The following F13A1 variants were observed in gnomAD, a reference collection of about 807,000 sequenced individuals.
F13A1 encodes the protein FSF, A subunit.
A neutral mutation model predicts 80.1 loss-of-function variants in F13A1; 47 were observed. The ratio of observed to expected loss-of-function variants is 0.59; its 90% CI spans 0.46 to 0.75. F13A1 has a LOEUF of 0.75. F13A1 is among the 30% of genes least tolerant of loss of function. F13A1 has a pLI of 0.00. For missense variants in F13A1, 817 were observed against 930.4 expected (o/e 0.88, Z 1.59); for synonymous variants, 349 against 344.9 (o/e 1.01, Z -0.13).
intron 6 of F13A1, among the ~76,000 whole-genome samples, chr6:6,226,270 A>C (rs987807058): frequency 5.3e-5 from 8 of 152,176 alleles, no homozygotes; most frequent in African/African-American, 1.9e-4. Flanking sequence ...GAGCCTTGCT[A>C]CTTGAGGCAT....
At chr6:6,163,595 G>A (rs763792543) in intron 13 of F13A1, among the ~76,000 whole-genome samples, 5 of 152,068 alleles carry the variant, frequency 3.3e-5, no homozygotes, top group South Asian at 4.2e-4. Flanking sequence ...TGCAGTATTC[G>A]GTTTTCTCTT....
intron 4 of F13A1, among the ~76,000 whole-genome samples, chr6:6,260,362 C>G (rs1757761636): frequency 6.6e-6 from 1 of 152,188 alleles, no homozygotes. Context: ...GCATCCTGTG[C>G]CACCTCGGGC....
At chr6:6,303,944 A>G (rs749630265) in intron 3 of F13A1, among the ~76,000 whole-genome samples, 1 of 152,202 alleles carries the variant, frequency 6.6e-6, no homozygotes, top group Non-Finnish European at 1.5e-5. Flanking sequence ...TTATTAATAC[A>G]GTGCTTTTTT....
At chr6:6,249,086 T>C (rs953609579) in intron 5 of F13A1, among the ~76,000 whole-genome samples, 1 of 152,168 alleles carries the variant, frequency 6.6e-6, no homozygotes, top group African/African-American at 2.4e-5. Context: ...AGAATTTTCT[T>C]AAAAAGGAAT....
intron 12 of F13A1, among the ~76,000 whole-genome samples, chr6:6,170,953 G>C (rs1392093307): frequency 6.6e-6 from 1 of 152,178 alleles, no homozygotes; most frequent in Non-Finnish European, 1.5e-5. Context: ...AGGACAACCT[G>C]GGGCTGGCCA....
intron 3 of F13A1, among the ~76,000 whole-genome samples, chr6:6,275,361 T>G (rs201309793): frequency 7.4e-5 from 1 of 13,440 alleles, no homozygotes; most frequent in Non-Finnish European, 1.4e-4. Context: ...ATTTTTTTTA[T>G]TTTTTTTGTT....
Position 6,243,637 on chromosome 6 carries a change from G to C in F13A1, c.798+4675C>G, listed in dbSNP as rs1183583716. 6.6e-6 allele frequency among the ~76,000 whole-genome samples: 1 copy of C among 152,170 alleles called. No homozygotes were observed. Among genetic ancestry groups the C allele is most frequent in the Non-Finnish European group, 1.5e-5 (1 of 68,018 alleles). ...GGCCCTCTAAGGTAATATGATCTGAGAGTAAGGACCATATCTGGTTTCAGC... is the reference window on the plus strand; with the variant it reads ...GGCCCTCTAAGGTAATATGATCTGACAGTAAGGACCATATCTGGTTTCAGC... On this transcript the variant is annotated intron_variant, in intron 6 of 14. Coordinates refer to ENST00000264870, the MANE Select transcript of F13A1 (RefSeq NM_000129.4). The surrounding 1 kb of genome is among the most constrained non-coding windows in gnomAD (Gnocchi z 4.2).
intron 8 of F13A1, among the ~76,000 whole-genome samples, chr6:6,202,710 G>A (rs1583069587): frequency 6.6e-6 from 1 of 152,300 alleles, no homozygotes; most frequent in East Asian, 1.9e-4. Flanking sequence ...ATCAAGATGA[G>A]AACAACCTTT....
At chr6:6,231,615 C>A (rs1757353624) in intron 6 of F13A1, among the ~76,000 whole-genome samples, 1 of 152,126 alleles carries the variant, frequency 6.6e-6, no homozygotes, top group South Asian at 2.1e-4. Flanking sequence ...TTTGCCTAGG[C>A]ACATTGTCAT....
At chr6:6,197,348 A>G in intron 8 of F13A1, 22 bp from the exon 9 acceptor site, 1 of 1,606,940 alleles carries the variant, frequency 6.2e-7, no homozygotes, top group East Asian at 2.2e-5. Flanking sequence ...CAAGCCCAGA[A>G]AGGTTAAACT....
At chr6:6,204,639 T>C (rs1761455109) in intron 8 of F13A1, among the ~76,000 whole-genome samples, 1 of 152,056 alleles carries the variant, frequency 6.6e-6, no homozygotes, top group African/African-American at 2.4e-5. Context: ...GTGGGAACAA[T>C]TTGGTGGACT....
At chr6:6,295,570 T>C (rs1197262218) in intron 3 of F13A1, among the ~76,000 whole-genome samples, 1 of 146,204 alleles carries the variant, frequency 6.8e-6, no homozygotes, top group African/African-American at 2.7e-5. Context: ...TTCATATCCT[T>C]CGCCCACTTT....
At chr6:6,317,537 C>A (rs2113205627) in intron 2 of F13A1, among the ~76,000 whole-genome samples, 1 of 152,164 alleles carries the variant, frequency 6.6e-6, no homozygotes, top group Middle Eastern at 3.4e-3. Context: ...ACAATGACAC[C>A]AGTCCACAAC....
chr6:6,145,590 G>C lies in F13A1; in HGVS notation c.*29C>G, dbSNP rs1180502248. ...TAGCCAAGACTACAAGAGGCCAAATGCCAGGGTTCATCTCAGCTTCCTGTG... is the reference window on the plus strand; with the variant it reads ...TAGCCAAGACTACAAGAGGCCAAATCCCAGGGTTCATCTCAGCTTCCTGTG... On this transcript the variant is annotated 3_prime_UTR_variant, in exon 15 of 15. Transcript: ENST00000264870. 1.2e-6 allele frequency: 2 copies of C among 1,614,044 alleles called. No homozygotes were observed. The highest frequency in any genetic ancestry group is 8.5e-7 in the Non-Finnish European group (1 of 1,179,928).
intron 3 of F13A1, among the ~76,000 whole-genome samples, chr6:6,269,248 T>C (rs1280811708): frequency 6.6e-6 from 1 of 152,098 alleles, no homozygotes; most frequent in African/African-American, 2.4e-5. Context: ...ATGGAGATCA[T>C]GGTGGTCATA....
chr6:6,187,998 A>G (rs1192876489), intron 10 of F13A1, among the ~76,000 whole-genome samples: 2 of 150,772 alleles, frequency 1.3e-5, no homozygotes, highest in African/African-American at 4.8e-5. Context: ...TATATTTTCT[A>G]GTTTATTTGC....
chr6:6,273,076 C>T (rs1757943364), intron 3 of F13A1, among the ~76,000 whole-genome samples: 1 of 152,124 alleles, frequency 6.6e-6, no homozygotes, highest in Non-Finnish European at 1.5e-5. Context: ...TGTGACTCAC[C>T]CTGAATTCCT....
At chr6:6,311,576 A>T (rs1349584861) in intron 2 of F13A1, among the ~76,000 whole-genome samples, 1 of 38,556 alleles carries the variant, frequency 2.6e-5, no homozygotes, top group Non-Finnish European at 5.2e-5. Flanking sequence ...TCCATAGTGT[A>T]AACAAACATA....
At chr6:6,306,317 G>A (rs1334873569) in intron 2 of F13A1, among the ~76,000 whole-genome samples, 3 of 152,196 alleles carry the variant, frequency 2.0e-5, no homozygotes, top group African/African-American at 2.4e-5. Flanking sequence ...GAGTGTAAAC[G>A]TAAATCACAT....
Sources: allele counts gnomAD v4.1 joint callset (sites outside exome capture counted in the v4.1 genomes callset), GRCh38; gene constraint gnomAD v4.1.1; non-coding constraint Gnocchi (gnomAD v3.1); transcripts MANE v1.5; gene names NCBI Gene and HGNC (gene_info 2026-07-23, HGNC 2026-07-21).